VAV3: variants seen among roughly 807,000 people sequenced by gnomAD.
VAV3 encodes the protein guanine nucleotide exchange factor VAV3.
Under a neutral mutation model 131.2 loss-of-function variants are expected in VAV3, and 94 were observed. That is an observed-to-expected ratio of 0.72 (90% confidence interval 0.61 to 0.85). The LOEUF is 0.85. Among genes scored for constraint, VAV3 ranks in the 40% least tolerant of loss-of-function variants. VAV3 has a pLI of 0.00. For missense variants in VAV3, 939 were observed against 1,002.7 expected (o/e 0.94, Z 0.86); for synonymous variants, 349 against 342.0 (o/e 1.02, Z -0.22).
chr1:107,790,162 G>A (rs1397118578), intron 2 of VAV3, among the ~76,000 whole-genome samples: 1 of 152,222 alleles, frequency 6.6e-6, no homozygotes, highest in Non-Finnish European at 1.5e-5. Context: ...GGAACCAGAA[G>A]AAAGGTAAAG....
intron 19 of VAV3, among the ~76,000 whole-genome samples, chr1:107,674,521 C>G (rs773270654): frequency 2.0e-5 from 3 of 152,174 alleles, no homozygotes; most frequent in Non-Finnish European, 4.4e-5. Context: ...CAGAACTATA[C>G]AGCTAGACCA....
intron 1 of VAV3, among the ~76,000 whole-genome samples, chr1:107,901,103 T>C (rs764979164): frequency 2.6e-5 from 4 of 152,200 alleles, no homozygotes; most frequent in Non-Finnish European, 5.9e-5. Flanking sequence ...GATATGGCTA[T>C]AAATGCTGAC....
chr1:107,692,775 G>A (rs1659505324), intron 17 of VAV3, among the ~76,000 whole-genome samples: 1 of 152,160 alleles, frequency 6.6e-6, no homozygotes, highest in Non-Finnish European at 1.5e-5. Flanking sequence ...CAATTAAACA[G>A]ATAAGCAAAT....
chr1:107,716,320 T>C (rs1042211599), intron 15 of VAV3, among the ~76,000 whole-genome samples: 1 of 152,168 alleles, frequency 6.6e-6, no homozygotes, highest in Non-Finnish European at 1.5e-5. Flanking sequence ...AGCCAGCCAG[T>C]AAAGACTTTT....
At chr1:107,717,375 A>G (rs1469951405) in intron 15 of VAV3, among the ~76,000 whole-genome samples, 2 of 152,194 alleles carry the variant, frequency 1.3e-5, no homozygotes, top group African/African-American at 2.4e-5. Context: ...GTGAGCATTT[A>G]GTGCTATAAA....
intron 25 of VAV3, among the ~76,000 whole-genome samples, chr1:107,584,509 C>A (rs1430478540): frequency 6.6e-6 from 1 of 152,152 alleles, no homozygotes; most frequent in African/African-American, 2.4e-5. Flanking sequence ...ACCTACTCAT[C>A]TGACAAAGGG....
chr1:107,645,345 T>C (rs1025639534), intron 19 of VAV3, among the ~76,000 whole-genome samples: 1 of 151,744 alleles, frequency 6.6e-6, no homozygotes, highest in African/African-American at 2.4e-5. Context: ...TGGTCATTTG[T>C]TAGGGTTATC....
At chr1:107,739,184 T>C (rs964111716) in intron 15 of VAV3, among the ~76,000 whole-genome samples, 1 of 152,202 alleles carries the variant, frequency 6.6e-6, no homozygotes, top group Non-Finnish European at 1.5e-5. Flanking sequence ...CAAATACATA[T>C]TAAACATAAC....
At chr1:107,598,631 T>C (rs1651587455) in intron 24 of VAV3, among the ~76,000 whole-genome samples, 1 of 152,168 alleles carries the variant, frequency 6.6e-6, no homozygotes, top group African/African-American at 2.4e-5. Flanking sequence ...AAAGACCATG[T>C]AGAAGTTTGT....
intron 2 of VAV3, among the ~76,000 whole-genome samples, chr1:107,826,231 T>C (rs1463465880): frequency 1.3e-5 from 2 of 152,202 alleles, no homozygotes; most frequent in Non-Finnish European, 2.9e-5. Context: ...TCTACACGAT[T>C]AGGTTATAAT....
At position 107,853,626 on chromosome 1, in the gene VAV3, T is replaced by TA. The variant is rs527799435; in HGVS notation, c.321+21274dup. Among the ~76,000 whole-genome samples, 47 of 148,580 alleles carry TA rather than the reference T, an allele frequency of 3.2e-4. 1 individual carries two copies. The highest frequency in any genetic ancestry group is 6.7e-4 in the Admixed American group (10 of 14,892). On this transcript the variant is annotated intron_variant, in intron 2 of 26. Transcript: ENST00000370056. The stretch of plus-strand genomic sequence containing the variant: ...GTGCTGCAAGTTCTTTTAATGTCTT[T>TA]AAAAAAAAAAGTTATTTTTGATGAC...
At chr1:107,810,459 A>G (rs997722020) in intron 2 of VAV3, among the ~76,000 whole-genome samples, 54 of 146,838 alleles carry the variant, frequency 3.7e-4, no homozygotes, top group Non-Finnish European at 6.8e-4. Flanking sequence ...CACATACTCT[A>G]TTTATATCTA....
intron 1 of VAV3, among the ~76,000 whole-genome samples, chr1:107,936,063 CATT>C (rs1673697743): frequency 6.6e-6 from 1 of 152,040 alleles, no homozygotes; most frequent in Non-Finnish European, 1.5e-5. Context: ...AAACGTAGGA[CATT>C]ATTACAGTTC....
intron 4 of VAV3, among the ~76,000 whole-genome samples, 158 bp downstream of exon 4, chr1:107,777,073 A>G (rs895363422): frequency 6.6e-6 from 1 of 152,250 alleles, no homozygotes; most frequent in Non-Finnish European, 1.5e-5. Context: ...CAGTTGAAGT[A>G]CATTTTCTTG....
chr1:107,637,320 T>A (rs545618164), intron 20 of VAV3, among the ~76,000 whole-genome samples: 208 of 147,738 alleles, frequency 1.4e-3, no homozygotes, highest in African/African-American at 4.6e-3. Context: ...TGTTTTATAA[T>A]TTTTTTTTTT....
At chr1:107,656,473 G>C (rs1416208291) in intron 19 of VAV3, among the ~76,000 whole-genome samples, 2 of 152,152 alleles carry the variant, frequency 1.3e-5, no homozygotes, top group Non-Finnish European at 2.9e-5. Context: ...GGGGTAGTAG[G>C]TAGCAGATGA....
At chr1:107,757,425 TTCTCTCTATA>T in intron 10 of VAV3, 96 bp from the exon 11 acceptor site, 2 of 1,074,734 alleles carry the variant, frequency 1.9e-6, no homozygotes, top group Non-Finnish European at 2.6e-6. Flanking sequence ...ATTATTGGTT[TTCTCTCTATA>T]ATGTGATAAA....
At chr1:107,746,686 T>C (rs571738307) in intron 15 of VAV3, among the ~76,000 whole-genome samples, 4 of 152,274 alleles carry the variant, frequency 2.6e-5, no homozygotes, top group African/African-American at 9.6e-5. Flanking sequence ...TGCGGCCACA[T>C]GACTATACGT....
At chr1:107,953,434 G>GTA (rs1214146721) in intron 1 of VAV3, among the ~76,000 whole-genome samples, 1 of 152,188 alleles carries the variant, frequency 6.6e-6, no homozygotes, top group African/African-American at 2.4e-5. Context: ...AATAAGTAAA[G>GTA]TAACTTTCCC....
Sources: allele counts gnomAD v4.1 joint callset (sites outside exome capture counted in the v4.1 genomes callset), GRCh38; gene constraint gnomAD v4.1.1; transcripts MANE v1.5; gene names NCBI Gene and HGNC (gene_info 2026-07-23, HGNC 2026-07-21).